TRAPPC9: variants seen among roughly 807,000 people sequenced by gnomAD.
TRAPPC9 encodes the protein IKK2 binding protein.
Under a neutral mutation model 124.0 loss-of-function variants are expected in TRAPPC9, and 83 were observed. The observed-to-expected ratio is 0.67, with a 90% CI of 0.56 to 0.80. The LOEUF is 0.80. TRAPPC9 is among the 30% of genes least tolerant of loss of function. The pLI is 0.00. For missense variants in TRAPPC9, 1,302 were observed against 1,508.3 expected, an observed-to-expected ratio of 0.86 and a Z score of 2.27; for synonymous variants, 638 against 617.5, an observed-to-expected ratio of 1.03 and a Z score of -0.49.
chr8:139,749,285 G>C (rs1819156516), intron 21 of TRAPPC9, among the ~76,000 whole-genome samples: 1 of 152,174 alleles, frequency 6.6e-6, no homozygotes, highest in Non-Finnish European at 1.5e-5. Flanking sequence ...ATCTGCTGCT[G>C]AGGGACTGTC....
At chr8:140,162,753 T>C (rs1475649724) in intron 17 of TRAPPC9, among the ~76,000 whole-genome samples, 1 of 152,176 alleles carries the variant, frequency 6.6e-6, no homozygotes, top group Non-Finnish European at 1.5e-5. Context: ...TTTGGGAGGC[T>C]GAGGCACAAG....
intron 16 of TRAPPC9, among the ~76,000 whole-genome samples, chr8:140,231,201 C>T (rs768760076): frequency 6.6e-6 from 1 of 152,156 alleles, no homozygotes; most frequent in Non-Finnish European, 1.5e-5. Context: ...AGGTGCTGCC[C>T]GGCACATGGG....
At chr8:140,452,142 G>A (rs1366945964) in intron 1 of TRAPPC9, among the ~76,000 whole-genome samples, 4 of 149,586 alleles carry the variant, frequency 2.7e-5, no homozygotes, top group Non-Finnish European at 5.9e-5. Context: ...AAAAAGAGGC[G>A]GGGCGCAGTG....
intron 17 of TRAPPC9, among the ~76,000 whole-genome samples, chr8:140,191,348 G>A (rs1428896516): frequency 1.3e-5 from 2 of 152,162 alleles, no homozygotes; most frequent in Non-Finnish European, 2.9e-5. Context: ...GCCTCATATG[G>A]TTTGGATTTA....
In TRAPPC9 at chr8:140,104,877, C is replaced by T. The variant is rs147554858; in HGVS notation, c.2557-80798G>A. 6.6e-6 allele frequency among the ~76,000 whole-genome samples: 1 copy of T among 152,180 alleles called. No individual in the cohort carries two copies. Among genetic ancestry groups the T allele is most frequent in the Non-Finnish European group, 1.5e-5 (1 of 68,032 alleles). On this transcript the variant is annotated intron_variant, in intron 17 of 22. Coordinates refer to ENST00000438773, the MANE Select transcript of TRAPPC9 (RefSeq NM_001160372.4). This position sits in a 1 kb window ranked among gnomAD's most constrained non-coding sequence, Gnocchi z 4.0. ...ACCCTTTTAGAAACAGTGTTAATGG[C>T]GACATTTAACGACATGGAGCTCCCT...
chr8:140,433,545 G>A (rs1180356825), intron 4 of TRAPPC9, among the ~76,000 whole-genome samples: 1 of 151,966 alleles, frequency 6.6e-6, no homozygotes, highest in African/African-American at 2.4e-5. Context: ...AGCCGAGATT[G>A]AGCCACTGCA....
intron 19 of TRAPPC9, among the ~76,000 whole-genome samples, chr8:139,942,839 T>C (rs915436302): frequency 6.6e-6 from 1 of 152,098 alleles, no homozygotes; most frequent in Non-Finnish European, 1.5e-5. Flanking sequence ...CCATCTTCCT[T>C]GGCCAAAAAG....
intron 17 of TRAPPC9, among the ~76,000 whole-genome samples, chr8:140,178,848 G>A (rs1472358648): frequency 6.6e-6 from 1 of 152,076 alleles, no homozygotes; most frequent in Non-Finnish European, 1.5e-5. Flanking sequence ...TTGGTGATGT[G>A]CATCTTTCAA....
intron 15 of TRAPPC9, among the ~76,000 whole-genome samples, chr8:140,265,822 C>G (rs960144974): frequency 2.6e-5 from 4 of 152,180 alleles, no homozygotes; most frequent in African/African-American, 9.7e-5. Context: ...TTAATATTAG[C>G]TCCTAACTCC....
At chr8:140,185,794 T>G (rs535997682) in intron 17 of TRAPPC9, among the ~76,000 whole-genome samples, 1 of 152,178 alleles carries the variant, frequency 6.6e-6, no homozygotes, top group African/African-American at 2.4e-5. Context: ...GGGGAAGGGT[T>G]TTAGGTGAGA....
intron 9 of TRAPPC9, among the ~76,000 whole-genome samples, chr8:140,321,801 A>G (rs1457854569): frequency 1.3e-5 from 2 of 152,216 alleles, no homozygotes; most frequent in Non-Finnish European, 2.9e-5. Context: ...CAGGCAGGAC[A>G]GCTAGGAGGA....
chr8:139,858,423 A>G (rs1827932003), intron 21 of TRAPPC9, among the ~76,000 whole-genome samples: 1 of 152,172 alleles, frequency 6.6e-6, no homozygotes, highest in Non-Finnish European at 1.5e-5. Flanking sequence ...GGGCTCCTCC[A>G]CGGCTCAGGG....
At chr8:140,065,151 C>A (rs1842843705) in intron 17 of TRAPPC9, among the ~76,000 whole-genome samples, 1 of 152,132 alleles carries the variant, frequency 6.6e-6, no homozygotes, top group Admixed American at 6.5e-5. Flanking sequence ...CACAATAATC[C>A]CTTAAGCCAA....
Position 139,766,750 on chromosome 8 carries a change from C to T in TRAPPC9, c.3056-34548G>A, listed in dbSNP as rs549354577. Among the ~76,000 whole-genome samples the T allele has an allele frequency of 5.3e-5, 8 of 152,328 alleles. No individual in the cohort carries two copies. In the South Asian group the frequency reaches 1.4e-3, roughly 28 times the overall value. Reference sequence around the variant, plus strand: ...CACTCACTGGAGGGAGACAACAGATCGGTCTCAGGCTCAGCCCTCTGCCCA... The same window carrying T: ...CACTCACTGGAGGGAGACAACAGATTGGTCTCAGGCTCAGCCCTCTGCCCA... On this transcript the variant is annotated intron_variant, in intron 21 of 22. Coordinates refer to ENST00000438773, the MANE Select transcript of TRAPPC9 (RefSeq NM_001160372.4).
intron 21 of TRAPPC9, among the ~76,000 whole-genome samples, chr8:139,780,450 G>A (rs942760563): frequency 2.2e-4 from 33 of 152,188 alleles, no homozygotes; most frequent in African/African-American, 7.2e-4. Context: ...TAAACAAATG[G>A]TGCTGGAACA....
At chr8:140,445,280 G>A (rs1483520262) in intron 2 of TRAPPC9, among the ~76,000 whole-genome samples, 3 of 152,194 alleles carry the variant, frequency 2.0e-5, no homozygotes, top group Admixed American at 6.5e-5. Context: ...TCGTGCCCCA[G>A]CACCTAGCAC....
chr8:140,199,182 C>T (rs564518437), intron 17 of TRAPPC9, among the ~76,000 whole-genome samples: 1 of 152,158 alleles, frequency 6.6e-6, no homozygotes, highest in African/African-American at 2.4e-5. Flanking sequence ...ATTTGAGTCA[C>T]CTGGGGGTCT....
intron 21 of TRAPPC9, among the ~76,000 whole-genome samples, chr8:139,836,119 C>T (rs962670637): frequency 1.3e-5 from 2 of 152,138 alleles, no homozygotes; most frequent in Admixed American, 1.3e-4. Context: ...GGTGATTCTC[C>T]CTCCTCAGCC....
At chr8:140,058,816 G>A (rs1424332688) in intron 17 of TRAPPC9, among the ~76,000 whole-genome samples, 1 of 152,220 alleles carries the variant, frequency 6.6e-6, no homozygotes. Flanking sequence ...TCTGGCCAGA[G>A]TGTAAACAGC....
Sources: allele counts gnomAD v4.1 joint callset (sites outside exome capture counted in the v4.1 genomes callset), GRCh38; gene constraint gnomAD v4.1.1; non-coding constraint Gnocchi (gnomAD v3.1); transcripts MANE v1.5; gene names NCBI Gene and HGNC (gene_info 2026-07-23, HGNC 2026-07-21).